The following EP300 variants were observed in gnomAD, a reference collection of about 807,000 sequenced individuals.
EP300 encodes histone acetyltransferase p300.
Under a neutral mutation model 264.0 loss-of-function variants are expected in EP300, and 31 were observed. The observed-to-expected ratio is 0.12, with a 90% CI of 0.09 to 0.16. The LOEUF (loss-of-function observed/expected upper bound fraction) is 0.16. Ranked by LOEUF, EP300 falls within the 10% of genes least tolerant of loss-of-function variation. The probability of loss-of-function intolerance (pLI) is 1.00; values close to 1 mark genes in which losing one functional copy is unlikely to be tolerated. For synonymous variants in EP300, 1,340 were observed against 1,045.4 expected (o/e 1.28, Z -5.44); for missense variants, 2,766 against 3,052.9 (o/e 0.91, Z 2.21).
At chr22:41,153,583 C>G (rs915001120) in intron 16 of EP300, among the ~76,000 whole-genome samples, 7 of 152,038 alleles carry the variant, frequency 4.6e-5, no homozygotes, top group Admixed American at 2.0e-4. Context: ...AACTCTGTCT[C>G]TACTAAAAGT....
At chr22:41,173,580 A>G in intron 28 of EP300, 43 bp from the exon 29 acceptor site, 1 of 1,608,070 alleles carries the variant, frequency 6.2e-7, no homozygotes, top group Non-Finnish European at 8.5e-7. Flanking sequence ...CAAATTACTT[A>G]ACAAAAACCT....
intron 1 of EP300, among the ~76,000 whole-genome samples, chr22:41,113,904 C>T (rs1024832176): frequency 6.6e-6 from 1 of 152,148 alleles, no homozygotes; most frequent in African/African-American, 2.4e-5. Context: ...TTTTATTACT[C>T]AATTTCCTTT....
intron 2 of EP300, among the ~76,000 whole-genome samples, chr22:41,118,519 T>A (rs1278807397): frequency 6.6e-6 from 1 of 152,280 alleles, no homozygotes; most frequent in East Asian, 1.9e-4. Context: ...TGGTTGCCAG[T>A]GCCTGGCATG....
At chr22:41,171,634 G>GC (rs1338327088) in intron 27 of EP300, among the ~76,000 whole-genome samples, 1 of 151,450 alleles carries the variant, frequency 6.6e-6, no homozygotes, top group East Asian at 1.9e-4. Context: ...ACATCACCCA[G>GC]CCAAAAATAT....
In EP300 at chr22:41,135,897, A is replaced by G; in HGVS notation, c.1613A>G (p.Asn538Ser). ...GACTCAATGTTGCATTCAGCCATAA[A>G]TTCTCAAAAGTAAGTCTTAACGTGA... ...LSDSMLHSAI[N>S]SQNPMMSENA... The change falls in exon 7 of 31, where the codon AAT (asparagine) becomes AGT (serine). Residue 538 changes from asparagine to serine, a missense_variant. Transcript: ENST00000263253. 6.2e-7 allele frequency: 1 copy of G among 1,613,690 alleles called. No homozygotes were observed. The highest frequency in any genetic ancestry group is 1.1e-5 in the South Asian group (1 of 91,066).
intron 1 of EP300, among the ~76,000 whole-genome samples, chr22:41,103,181 G>C (rs1461404266): frequency 6.6e-6 from 1 of 152,166 alleles, no homozygotes; most frequent in East Asian, 1.9e-4. Flanking sequence ...GGGAGCATAG[G>C]AAGCATAGTA....
chr22:41,160,837 C>A, intron 20 of EP300, 115 bp downstream of exon 20: 2 of 935,854 alleles, frequency 2.1e-6, no homozygotes, highest in Non-Finnish European at 3.4e-6. Flanking sequence ...CCATTAGCCA[C>A]ATGTTGCTAT....
At chr22:41,138,651 A>G (rs545080362) in intron 8 of EP300, among the ~76,000 whole-genome samples, 37 of 152,318 alleles carry the variant, frequency 2.4e-4, no homozygotes, top group Non-Finnish European at 4.4e-4. Context: ...GAGCAAGGTA[A>G]TGAAATGTGC....
At chr22:41,150,265 C>A in intron 14 of EP300, 67 bp downstream of exon 14, 1 of 1,482,778 alleles carries the variant, frequency 6.7e-7, no homozygotes, top group Non-Finnish European at 9.1e-7. Context: ...TACTTCTGGG[C>A]CATTTCCATT....
chr22:41,147,399 CAG>C (rs1244525326), intron 11 of EP300, among the ~76,000 whole-genome samples: 3 of 151,502 alleles, frequency 2.0e-5, no homozygotes, highest in Non-Finnish European at 4.4e-5. Flanking sequence ...GTGAATGAGA[CAG>C]ATTTATTTAT....
intron 18 of EP300, among the ~76,000 whole-genome samples, chr22:41,157,879 C>T (rs1444184225): frequency 6.6e-6 from 1 of 152,056 alleles, no homozygotes; most frequent in East Asian, 1.9e-4. Context: ...ATGAAATGGG[C>T]TTTCTTTAAA....
rs1489896703 is a variant in EP300 at position 41,158,463 on chromosome 22, A to G, written c.3553A>G (p.Ile1185Val). 3.1e-6 allele frequency: 5 copies of G among 1,614,202 alleles called. No homozygotes were observed. Among genetic ancestry groups the G allele is most frequent in the Admixed American group, 1.7e-5 (1 of 60,024 alleles). ...LCCYGKQLCT[I>V]PRDATYYSYQ... ...TTGCTACGGCAAACAGTTGTGCACA[A>G]TACCTCGTGATGCCACTTATTACAG... The change falls in exon 19 of 31, where the codon ATA (isoleucine) becomes GTA (valine). Residue 1185 changes from isoleucine (I) to valine (V), a missense_variant. Physicochemically the swap from Ile to Val is conservative, Grantham distance 29. Transcript: ENST00000263253.
intron 16 of EP300, among the ~76,000 whole-genome samples, chr22:41,153,792 A>G (rs1047920835): frequency 6.6e-6 from 1 of 152,240 alleles, no homozygotes; most frequent in African/African-American, 2.4e-5. Context: ...TCACAAGTTT[A>G]TTCAAATAGT....
chr22:41,152,069 G>C, intron 15 of EP300, 57 bp downstream of exon 15: 1 of 1,606,968 alleles, frequency 6.2e-7, no homozygotes, highest in Non-Finnish European at 8.5e-7. Context: ...AGGAACCCAA[G>C]TTTTAAAAAA....
intron 12 of EP300, chr22:41,148,830 CTG>C (rs2059026696): frequency 1.6e-6 from 1 of 620,456 alleles, no homozygotes; most frequent in South Asian, 2.0e-5. Flanking sequence ...CCTAGGTAAA[CTG>C]TGAGGCTATT....
rs763723986 is a variant in EP300, at chr22:41,125,907, C to T, written c.773C>T (p.Thr258Ile). The change falls in exon 3 of 31, where the codon ACT becomes ATT. Residue 258 changes from threonine (T) to isoleucine (I), a missense_variant. Coordinates refer to ENST00000263253, the MANE Select transcript of EP300 (RefSeq NM_001429.4). The stretch of plus-strand genomic sequence containing the variant: ...CCCAATCCTTATGGTTCACCATATA[C>T]TCAGAATCCTGGACAGCAGATTGGA... ...NNPNPYGSPY[T>I]QNPGQQIGAS... 1 of 1,614,176 alleles carries T rather than the reference C, an allele frequency of 6.2e-7. No individual in the cohort carries two copies. Among genetic ancestry groups the T allele is most frequent in the South Asian group, 1.1e-5 (1 of 91,060 alleles).
At chr22:41,154,218 C>G (rs2059063263) in intron 16 of EP300, among the ~76,000 whole-genome samples, 1 of 151,920 alleles carries the variant, frequency 6.6e-6, no homozygotes, top group East Asian at 1.9e-4. Flanking sequence ...AGCATTTGAA[C>G]GAAGGAGTCT....
In EP300 at chr22:41,179,879, CTCACACACA is replaced by C. The variant is rs1569124054; in HGVS notation, c.*924_*932del. On this transcript the variant is annotated 3_prime_UTR_variant, in exon 31 of 31. Transcript: ENST00000263253. ...TTCTTCCTCCTTACCCTACCCCCCA[CTCACACACA>C]CACACACACACACACACACACACAC... is the stretch of plus-strand genomic sequence containing the variant. 1,397 of 139,442 alleles carry C rather than the reference CTCACACACA, an allele frequency of 0.01. 68 individuals are homozygous for C. The highest frequency in any genetic ancestry group is 0.036 in the East Asian group (341 of 9,424). 8.6% of individuals were successfully genotyped at this position (139,442 alleles called of 1,614,324 possible).
At chr22:41,169,668 G>C (rs751402793) in intron 26 of EP300, 52 bp downstream of exon 26, 1 of 1,050,360 alleles carries the variant, frequency 9.5e-7, no homozygotes, top group Non-Finnish European at 1.5e-6. Flanking sequence ...TGGCATTCTG[G>C]TGAGATATAG....
Sources: allele counts gnomAD v4.1 joint callset (sites outside exome capture counted in the v4.1 genomes callset), GRCh38; gene constraint gnomAD v4.1.1; transcripts MANE v1.5; gene names NCBI Gene and HGNC (gene_info 2026-07-23, HGNC 2026-07-21).